The following NEBL variants were observed in gnomAD, a reference collection of about 807,000 sequenced individuals.
NEBL encodes nebulette, also known as LIM and SH3 protein 2.
In NEBL, 122 loss-of-function variants were observed where a neutral mutation model predicts 140.2. The observed-to-expected ratio is 0.87, with a 90% CI of 0.75 to 1.01. The LOEUF is 1.01. Among genes scored for constraint, NEBL ranks in the 50% least tolerant of loss-of-function variants. The pLI is 0.00. For synonymous variants in NEBL, 436 were observed against 398.9 expected (o/e 1.09, Z -1.11); for missense variants, 1,365 against 1,231.3 (o/e 1.11, Z -1.62).
rs149878829 is a variant in NEBL, at chr10:20,819,453, C to G, written c.2026G>C (p.Val676Leu). Reference sequence around the variant, plus strand: ...CTCAGCTGCTCCTGGTTTCGCCTCACTCTCTCTATCTCCGGGGTCATGCTT... The same window carrying G: ...CTCAGCTGCTCCTGGTTTCGCCTCAGTCTCTCTATCTCCGGGGTCATGCTT... ...PVSMTPEIER[V>L]RRNQEQLSAV... The change falls in exon 20 of 28, where the codon GTG (valine) becomes CTG (leucine). Residue 676 changes from valine to leucine, a missense_variant. Val to Leu is a conservative substitution (Grantham distance 32, BLOSUM62 1). This residue lies in a region of NEBL where 1,323 missense variants were observed against 1,154.8 expected (regional missense o/e 1.15). Transcript: ENST00000377122. 1 of 1,613,908 alleles carries G rather than the reference C, an allele frequency of 6.2e-7. No individual in the cohort carries two copies. Among genetic ancestry groups the G allele is most frequent in the East Asian group, 2.2e-5 (1 of 44,892 alleles).
At chr10:20,817,935 A>G (rs763855750) in intron 20 of NEBL, among the ~76,000 whole-genome samples, 1 of 152,194 alleles carries the variant, frequency 6.6e-6, no homozygotes, top group Non-Finnish European at 1.5e-5. Flanking sequence ...ATCAAAATTA[A>G]CCATAAATTC....
At chr10:21,062,299 A>C (rs1835338791) in intron 2 of NEBL, among the ~76,000 whole-genome samples, 1 of 152,102 alleles carries the variant, frequency 6.6e-6, no homozygotes, top group Non-Finnish European at 1.5e-5. Context: ...AGAAGAAAAA[A>C]ACAATGAGGT....
intron 4 of NEBL, among the ~76,000 whole-genome samples, chr10:20,948,079 G>C (rs140008008): frequency 0.01 from 1,592 of 152,336 alleles, 20 homozygotes; most frequent in African/African-American, 0.028. Flanking sequence ...TGGCCCAAGG[G>C]CCATGGGTTG....
intron 4 of NEBL, among the ~76,000 whole-genome samples, chr10:20,956,783 T>C (rs550315832): frequency 6.6e-6 from 1 of 152,206 alleles, no homozygotes; most frequent in Admixed American, 6.5e-5. Flanking sequence ...AAAAAAAAAG[T>C]TTGCTAAATA....
intron 2 of NEBL, chr10:21,030,382 G>T: frequency 3.3e-6 from 2 of 609,634 alleles, no homozygotes; most frequent in Non-Finnish European, 3.1e-6. Flanking sequence ...ATGCAGGAAG[G>T]AGAGAGACTG....
intron 9 of NEBL, among the ~76,000 whole-genome samples, chr10:20,855,716 G>C (rs1843003248): frequency 6.6e-6 from 1 of 152,006 alleles, no homozygotes; most frequent in South Asian, 2.1e-4. Flanking sequence ...TTTTCCAGGG[G>C]AAAATGTTTT....
At chr10:20,988,777 C>T (rs1322598941) in intron 3 of NEBL, among the ~76,000 whole-genome samples, 1 of 152,224 alleles carries the variant, frequency 6.6e-6, no homozygotes, top group Non-Finnish European at 1.5e-5. Flanking sequence ...TCCCACCACA[C>T]CATGGAAACC....
intron 2 of NEBL, among the ~76,000 whole-genome samples, chr10:21,055,818 T>A (rs2119243): frequency 6.6e-6 from 1 of 151,902 alleles, no homozygotes; most frequent in African/African-American, 2.4e-5. Flanking sequence ...CCGATGAGGG[T>A]GTTCAGGGGG....
rs144336187 is a variant in NEBL, at chr10:20,785,177, G to A, written c.*570C>T. 0.013 allele frequency: 2,008 copies of A among 159,756 alleles called. 42 individuals carry two copies. Among genetic ancestry groups the A allele is most frequent in the African/African-American group, 0.046 (1,900 of 41,550 alleles). 9.9% of individuals were successfully genotyped at this position (159,756 alleles called of 1,614,324 possible). A position where few individuals can be genotyped will look rare whatever the true frequency, so the allele number is the denominator to read the frequency against. ...GATACCAGTCAGCCTAGGGAACAAG[G>A]AAATTTCTCTGTTTAGTAGAAGTTT... On this transcript the variant is annotated 3_prime_UTR_variant, in exon 28 of 28. Transcript: ENST00000377122.
chr10:21,000,362 T>C (rs1837844148), intron 3 of NEBL, among the ~76,000 whole-genome samples: 1 of 152,052 alleles, frequency 6.6e-6, no homozygotes, highest in Non-Finnish European at 1.5e-5. Context: ...GGTGGTTTAT[T>C]GTGTCCCATG....
rs144653401 is a variant in NEBL, at chr10:20,870,796, C to T, written c.481-955G>A. Among the ~76,000 whole-genome samples, 245 of 152,214 alleles carry T rather than the reference C, an allele frequency of 1.6e-3. 1 individual carries two copies. The highest frequency in any genetic ancestry group is 6.8e-3 in the Middle Eastern group (2 of 294). On this transcript the variant is annotated intron_variant, in intron 5 of 27. Transcript: ENST00000377122. ...CTTCTGAATGCATGTTAGACACAAACCAAAGTATGGTAAGTAGAGATTTAA... is the reference window on the plus strand; with the variant it reads ...CTTCTGAATGCATGTTAGACACAAATCAAAGTATGGTAAGTAGAGATTTAA...
At chr10:21,134,766 A>G (rs1363968022) in intron 2 of NEBL, among the ~76,000 whole-genome samples, 1 of 152,224 alleles carries the variant, frequency 6.6e-6, no homozygotes, top group Non-Finnish European at 1.5e-5. Context: ...GGATCAAATC[A>G]CGTCTTGGGT....
At chr10:21,062,679 C>T (rs925577501) in intron 2 of NEBL, among the ~76,000 whole-genome samples, 2 of 151,540 alleles carry the variant, frequency 1.3e-5, no homozygotes, top group Non-Finnish European at 2.9e-5. Flanking sequence ...AGAGTGAGAT[C>T]CTGTCTCTAA....
intron 26 of NEBL, among the ~76,000 whole-genome samples, chr10:20,807,349 C>A (rs970142134): frequency 2.6e-5 from 4 of 152,080 alleles, no homozygotes; most frequent in Non-Finnish European, 5.9e-5. Context: ...AGTTACTGAA[C>A]CCTTCATTAG....
intron 3 of NEBL, among the ~76,000 whole-genome samples, chr10:21,008,421 T>C (rs1230563753): frequency 6.6e-6 from 1 of 152,176 alleles, no homozygotes; most frequent in African/African-American, 2.4e-5. Context: ...GGTTTTTTAT[T>C]TTTAAATTTT....
intron 3 of NEBL, among the ~76,000 whole-genome samples, chr10:21,235,272 G>A (rs1321336379): frequency 6.6e-6 from 1 of 151,984 alleles, no homozygotes; most frequent in Non-Finnish European, 1.5e-5. Flanking sequence ...GTCCAGCCTG[G>A]ATGACAGAGT....
At chr10:21,215,429 A>C (rs1308830584) in intron 3 of NEBL, among the ~76,000 whole-genome samples, 1 of 152,204 alleles carries the variant, frequency 6.6e-6, no homozygotes, top group East Asian at 1.9e-4. Flanking sequence ...TCTCTGTAGC[A>C]TCTGTATTCA....
chr10:21,098,564 T>C (rs933834568), intron 2 of NEBL, among the ~76,000 whole-genome samples: 26 of 152,224 alleles, frequency 1.7e-4, no homozygotes, highest in Admixed American at 2.6e-4. Context: ...CTGCTAGACC[T>C]GGAATAATTT....
rs747087890 is a variant in NEBL, at chr10:20,787,242, C to A, written c.2828G>T (p.Ser943Ile). Residue 943 changes from serine to isoleucine, a missense_variant, in exon 27 of 28, where the codon AGT becomes ATT. Physicochemically the swap from Ser to Ile is moderately radical, Grantham distance 142. Transcript: ENST00000377122. ...SQGYGYMHQT[S>I]VSSMRSMQHS... ...CTGCATTGATCTCATGGATGACACA[C>A]TGGTCTGGTGCATGTAGCCATAGCC... 1 of 1,613,490 alleles carries A rather than the reference C, an allele frequency of 6.2e-7. No individual in the cohort carries two copies. Among genetic ancestry groups the A allele is most frequent in the South Asian group, 1.1e-5 (1 of 90,940 alleles).
Sources: allele counts gnomAD v4.1 joint callset (sites outside exome capture counted in the v4.1 genomes callset), GRCh38; gene constraint gnomAD v4.1.1; regional missense constraint gnomAD v4.1.1; transcripts MANE v1.5; gene names NCBI Gene and HGNC (gene_info 2026-07-23, HGNC 2026-07-21).